PXT1: variants seen among roughly 807,000 people sequenced by gnomAD.
PXT1 encodes peroxisomal testis-specific protein 1.
PXT1 carries 11 observed loss-of-function variants against 11.0 expected under a neutral mutation model. The ratio of observed to expected loss-of-function variants is 1.00; its 90% confidence interval spans 0.63 to 1.66. The LOEUF (loss-of-function observed/expected upper bound fraction) is 1.66, where lower values mean the gene tolerates loss of function less well. Ranked by LOEUF, PXT1 falls within the 40% of genes most tolerant of loss-of-function variation. PXT1 has a pLI of 0.00. For missense variants in PXT1, 141 were observed against 155.5 expected (o/e 0.91, Z 0.49); for synonymous variants, 43 against 51.4 (o/e 0.84, Z 0.70).
At chr6:36,420,927 C>T (rs936458058) in intron 3 of PXT1, among the ~76,000 whole-genome samples, 2 of 151,758 alleles carry the variant, frequency 1.3e-5, no homozygotes, top group African/African-American at 2.4e-5. Context: ...TGGTGGTGTG[C>T]GCCTGTAATC....
At chr6:36,432,370 A>G (rs1774705272) in intron 2 of PXT1, among the ~76,000 whole-genome samples, 1 of 152,188 alleles carries the variant, frequency 6.6e-6, no homozygotes, top group Non-Finnish European at 1.5e-5. Flanking sequence ...GATCTTCCCC[A>G]TGCCACTCTC....
At chr6:36,405,279 G>C (rs1774272122) in intron 3 of PXT1, among the ~76,000 whole-genome samples, 1 of 152,112 alleles carries the variant, frequency 6.6e-6, no homozygotes, top group African/African-American at 2.4e-5. Context: ...GAATGTGTTT[G>C]TGTTTAAGCC....
chr6:36,398,068 A>G (rs6900093), intron 4 of PXT1, among the ~76,000 whole-genome samples: 118,709 of 152,010 alleles, frequency 0.78, 46,531 homozygotes, highest in Non-Finnish European at 0.81. Flanking sequence ...TTATAAATGG[A>G]CAAGGATATG....
chr6:36,400,657 C>G, intron 3 of PXT1, 73 bp from the exon 4 acceptor site: 1 of 1,468,970 alleles, frequency 6.8e-7, no homozygotes, highest in Non-Finnish European at 9.2e-7. Context: ...CCACTAGTTA[C>G]TAAAAACTGT....
chr6:36,437,102 A>G (rs1179709978), intron 2 of PXT1, among the ~76,000 whole-genome samples: 1 of 152,152 alleles, frequency 6.6e-6, no homozygotes, highest in Non-Finnish European at 1.5e-5. Context: ...CCTGGCCAAC[A>G]CGGTGAAACC....
intron 2 of PXT1, among the ~76,000 whole-genome samples, chr6:36,426,629 C>CA (rs1333627032): frequency 6.6e-6 from 1 of 152,108 alleles, no homozygotes; most frequent in Non-Finnish European, 1.5e-5. Context: ...CTCAGCCTCC[C>CA]AAAGTGTTGG....
intron 3 of PXT1, among the ~76,000 whole-genome samples, chr6:36,413,499 C>T (rs1192203881): frequency 6.6e-6 from 1 of 152,014 alleles, no homozygotes; most frequent in East Asian, 1.9e-4. Flanking sequence ...TTTGAACATA[C>T]TGAAATTTCA....
At chr6:36,406,296 C>G (rs901793549) in intron 3 of PXT1, among the ~76,000 whole-genome samples, 2 of 152,148 alleles carry the variant, frequency 1.3e-5, no homozygotes, top group Admixed American at 6.6e-5. Flanking sequence ...TACTCAGAAC[C>G]TAGTCCCAAA....
chr6:36,420,797 A>G (rs1202467346), intron 3 of PXT1, among the ~76,000 whole-genome samples: 2 of 152,208 alleles, frequency 1.3e-5, no homozygotes, highest in Admixed American at 1.3e-4. Context: ...TCACACTTGT[A>G]ATCCCAGCAC....
chr6:36,391,936 A>C, intron 4 of PXT1, 62 bp from the exon 5 acceptor site: 1 of 1,041,514 alleles, frequency 9.6e-7, no homozygotes. Context: ...TGATAGAATA[A>C]TCCAAAGTTA....
At chr6:36,417,944 C>T (rs968405216) in intron 3 of PXT1, among the ~76,000 whole-genome samples, 4 of 151,956 alleles carry the variant, frequency 2.6e-5, no homozygotes, top group African/African-American at 7.3e-5. Context: ...TGCCTGTAAT[C>T]CCAGCACTCT....
chr6:36,422,154 T>C (rs1316208138), intron 3 of PXT1, among the ~76,000 whole-genome samples: 1 of 152,248 alleles, frequency 6.6e-6, no homozygotes, highest in Non-Finnish European at 1.5e-5. Flanking sequence ...ACTTACCTAT[T>C]GAATAACACT....
chr6:36,430,537 G>A (rs1245692402), intron 2 of PXT1, among the ~76,000 whole-genome samples: 1 of 152,150 alleles, frequency 6.6e-6, no homozygotes, highest in Admixed American at 6.5e-5. Flanking sequence ...GACATGAGAA[G>A]AATCTATCTA....
intron 4 of PXT1, among the ~76,000 whole-genome samples, chr6:36,397,498 T>C (rs952425510): frequency 6.6e-5 from 10 of 152,170 alleles, no homozygotes; most frequent in African/African-American, 2.4e-4. Context: ...TTAACTAAAA[T>C]GTATGTAAAA....
In PXT1 at chr6:36,437,842, T is replaced by TA. The variant is rs1554156480; in HGVS notation, c.-10+924dup. ...CTGCTTTTTTTTTTTTTTTTTTTTT[T>TA]AGAGTCTTGCTCTGTCGTCCAGGCT... On this transcript the variant is annotated intron_variant, in intron 2 of 4. Coordinates refer to ENST00000454782, the MANE Select transcript of PXT1 (RefSeq NM_152990.4). Among the ~76,000 whole-genome samples the TA allele has an allele frequency of 1.4e-4, 15 of 105,368 alleles. No individual in the cohort carries two copies. The South Asian group carries it at 2.7e-3, about 19-fold the overall frequency. 69.1% of individuals were successfully genotyped at this position (105,368 alleles called of 152,430 possible).
chr6:36,408,587 A>AC (rs1411927296), intron 3 of PXT1, among the ~76,000 whole-genome samples: 12 of 139,798 alleles, frequency 8.6e-5, no homozygotes, highest in Admixed American at 8.5e-4. Context: ...AAAAAGAAAA[A>AC]AAAATTTTTT....
Position 36,400,601 on chromosome 6 carries a change from G to A in PXT1, c.170-17C>T. The A allele has an allele frequency of 6.2e-7, 1 of 1,605,760 alleles. No individual in the cohort carries two copies. Among genetic ancestry groups the A allele is most frequent in the Non-Finnish European group, 8.5e-7 (1 of 1,177,048 alleles). On this transcript the variant is annotated splice_polypyrimidine_tract_variant and intron_variant, in intron 3 of 4. Transcript: ENST00000454782. The stretch of plus-strand genomic sequence containing the variant: ...GATTATGATCTGCATTGAGAAAAAA[G>A]AGTTCAAAAGAGATAATCCCACTTA...
At chr6:36,404,058 A>G (rs1282588819) in intron 3 of PXT1, among the ~76,000 whole-genome samples, 2 of 152,334 alleles carry the variant, frequency 1.3e-5, no homozygotes, top group East Asian at 3.9e-4. Flanking sequence ...GGACCTCTGG[A>G]TAAGACAGAT....
At chr6:36,412,247 G>C (rs997422165) in intron 3 of PXT1, among the ~76,000 whole-genome samples, 2 of 151,964 alleles carry the variant, frequency 1.3e-5, no homozygotes, top group Non-Finnish European at 2.9e-5. Context: ...AGCTACTCGG[G>C]AAGCTGAGGC....
Sources: gnomAD v4.1 joint callset for allele counts (sites outside exome capture counted in the v4.1 genomes callset) on GRCh38, gnomAD v4.1.1 for gene constraint, MANE v1.5 for transcripts, NCBI Gene and HGNC (gene_info 2026-07-23, HGNC 2026-07-21) for gene names.